AKT2: variants seen among roughly 807,000 people sequenced by gnomAD.
AKT2 encodes AKT serine/threonine kinase 2.
AKT2 carries 16 observed loss-of-function variants against 58.6 expected under a neutral mutation model. The observed-to-expected ratio is 0.27, with a 90% CI of 0.18 to 0.41. The LOEUF (loss-of-function observed/expected upper bound fraction) is 0.41, where lower values mean the gene tolerates loss of function less well. AKT2 is among the 10% of genes least tolerant of loss of function. The pLI is 1.00. For synonymous variants in AKT2, 253 were observed against 254.0 expected (o/e 1.00, Z 0.04); for missense variants, 438 against 661.0 (o/e 0.66, Z 3.70).
chr19:40,277,818 G>C (rs770213355), intron 1 of AKT2, among the ~76,000 whole-genome samples: 3 of 152,110 alleles, frequency 2.0e-5, no homozygotes, highest in Non-Finnish European at 4.4e-5. Flanking sequence ...TGCCACCTCC[G>C]ATCGCATCCA....
chr19:40,260,423 A>G (rs1006091151), intron 2 of AKT2, among the ~76,000 whole-genome samples: 7 of 152,124 alleles, frequency 4.6e-5, no homozygotes, highest in African/African-American at 1.7e-4. Context: ...CAAGGTCAAG[A>G]GATAAAGACC....
rs544194017 is a variant in AKT2, at chr19:40,232,951, G to A, written c.*921C>T. On this transcript the variant is annotated 3_prime_UTR_variant, in exon 14 of 14. Coordinates refer to ENST00000392038, the MANE Select transcript of AKT2 (RefSeq NM_001626.6). ...GAGATGCCCACCCCCACCCCTCCCT[G>A]ACCAAGTCCATGGGGCCCAATACTG... 1.1e-5 allele frequency: 1 copy of A among 92,884 alleles called. No homozygotes were observed. The highest frequency in any genetic ancestry group is 5.6e-5 in the African/African-American group (1 of 17,986). The allele number at this position is 92,884 out of a possible 1,614,324, so 5.8% of individuals were successfully genotyped here.
Position 40,242,490 on chromosome 19 carries a change from G to T in AKT2, c.441+44C>A. On this transcript the variant is annotated intron_variant, in intron 5 of 13. Transcript: ENST00000392038. This position sits in a 1 kb window ranked among gnomAD's most constrained non-coding sequence, Gnocchi z 4.3. ...GAGAGCAGGCCAGCACTGGGGGTGG[G>T]GGCACCGCAGGCTGGCAGCCCCACC... 6.2e-7 allele frequency: 1 copy of T among 1,611,106 alleles called. No homozygotes were observed. The highest frequency in any genetic ancestry group is 8.5e-7 in the Non-Finnish European group (1 of 1,179,598).
chr19:40,266,878 C>T (rs1466160838), intron 1 of AKT2, among the ~76,000 whole-genome samples: 1 of 152,190 alleles, frequency 6.6e-6, no homozygotes, highest in Non-Finnish European at 1.5e-5. Context: ...AGGAGGATCA[C>T]TCGAGCCTGG....
intron 10 of AKT2, 28 bp downstream of exon 10, chr19:40,236,229 C>T (rs367911726): frequency 8.6e-5 from 138 of 1,613,378 alleles, no homozygotes; most frequent in Admixed American, 1.5e-4. Context: ...TGGCCTCACA[C>T]GTTCCTACCC....
chr19:40,238,845 T>A lies in AKT2; in HGVS notation c.708+60A>T. 1 of 1,560,244 alleles carries A rather than the reference T, an allele frequency of 6.4e-7. No homozygotes were observed. Among genetic ancestry groups the A allele is most frequent in the Non-Finnish European group, 8.8e-7 (1 of 1,131,610 alleles). On this transcript the variant is annotated intron_variant, in intron 8 of 13. Transcript: ENST00000392038. This position sits in a 1 kb window ranked among gnomAD's most constrained non-coding sequence, Gnocchi z 5.1. Reference sequence around the variant, plus strand: ...CCATCTCACCCACAGCTCCTCTCCATCCCGCCCCACCCTAAAGAAGGAGGC... The same window carrying A: ...CCATCTCACCCACAGCTCCTCTCCAACCCGCCCCACCCTAAAGAAGGAGGC...
At chr19:40,240,380 G>A (rs1038368279) in intron 6 of AKT2, 65 of 662,342 alleles carry the variant, frequency 9.8e-5, no homozygotes, top group Non-Finnish European at 1.5e-4. Flanking sequence ...CACCTGTGAC[G>A]TCCCTGCAAG....
chr19:40,238,071 C>T lies in AKT2; in HGVS notation c.729G>A (p.Arg243=). ...CCCGCTCCTCTGTGAAGACACGCTC[C>T]CGGGACAGGTGGAAGAACAGCTGCA... ...NGGELFFHLS[R]ERVFTEERAR... The change falls in exon 9 of 14, where the codon CGG becomes CGA. Residue 243 remains arginine (R), a synonymous_variant. Transcript: ENST00000392038. The surrounding 1 kb of genome is among the most constrained non-coding windows in gnomAD (Gnocchi z 5.1). 2 of 1,602,248 alleles carry T rather than the reference C, an allele frequency of 1.2e-6. No homozygotes were observed. The highest frequency in any genetic ancestry group is 1.7e-6 in the Non-Finnish European group (2 of 1,174,654).
At position 40,265,249 on chromosome 19, in the gene AKT2, T is replaced by C. The variant is rs199748431; in HGVS notation, c.19A>G (p.Ile7Val). 19 of 1,613,478 alleles carry C rather than the reference T, an allele frequency of 1.2e-5. No individual in the cohort carries two copies. Among genetic ancestry groups the C allele is most frequent in the African/African-American group, 6.7e-5 (5 of 75,056 alleles). The change falls in exon 2 of 14, where the codon ATC becomes GTC. Residue 7 changes from isoleucine to valine, a missense_variant. This residue lies in a region of AKT2 where 244 missense variants were observed against 347.1 expected (regional missense o/e 0.70). Coordinates refer to ENST00000392038, the MANE Select transcript of AKT2 (RefSeq NM_001626.6). ...CGCTTGTGGAGCCAGCCTTCTTTGA[T>C]GACAGACACCTCATTCATGGTGGCA... The part of the protein sequence containing the change: MNEVSV[I>V]KEGWLHKRGE...
chr19:40,278,473 T>C (rs2077365722), intron 1 of AKT2, among the ~76,000 whole-genome samples: 1 of 152,112 alleles, frequency 6.6e-6, no homozygotes, highest in Non-Finnish European at 1.5e-5. Flanking sequence ...ATCTACGAGA[T>C]GGGAGTGCTA....
Position 40,237,951 on chromosome 19 carries a change from G to A in AKT2, c.831+18C>T, listed in dbSNP as rs200438281. The A allele has an allele frequency of 1.6e-3, 2,561 of 1,610,344 alleles. 5 individuals carry two copies. Among genetic ancestry groups the A allele is most frequent in the Non-Finnish European group, 1.7e-3 (2,062 of 1,179,066 alleles). ...TGTGCATGCCACAGGTCAGCCTGGCGCACACCCTGCCACTAACCTTGATGT... is the reference window on the plus strand; with the variant it reads ...TGTGCATGCCACAGGTCAGCCTGGCACACACCCTGCCACTAACCTTGATGT... On this transcript the variant is annotated intron_variant, in intron 9 of 13. Coordinates refer to ENST00000392038, the MANE Select transcript of AKT2 (RefSeq NM_001626.6). The surrounding 1 kb of genome is among the most constrained non-coding windows in gnomAD (Gnocchi z 4.5).
In AKT2 at chr19:40,233,198, T is replaced by C; in HGVS notation, c.*674A>G. The C allele has an allele frequency of 3.8e-6, 1 of 264,608 alleles. No individual in the cohort carries two copies. 16.4% of individuals were successfully genotyped at this position (264,608 alleles called of 1,614,324 possible). ...CATCCATAGGGTGAGGACAGTTTGG[T>C]GGGGAGGAGGCCGGACCAGGAGGCG... On this transcript the variant is annotated 3_prime_UTR_variant, in exon 14 of 14. Transcript: ENST00000392038. This position sits in a 1 kb window ranked among gnomAD's most constrained non-coding sequence, Gnocchi z 4.3.
rs1973707745 is a variant in AKT2 at position 40,231,659 on chromosome 19, T to TG, written c.*2212dup. On this transcript the variant is annotated 3_prime_UTR_variant, in exon 14 of 14. Transcript: ENST00000392038. ...AGGGCTCTGGTCCCTGGTCCCTTGC[T>TG]GGGGGAGGTGTTCCATCCGGCCAGC... is the stretch of plus-strand genomic sequence containing the variant. 4.3e-6 allele frequency: 1 copy of TG among 233,290 alleles called. No homozygotes were observed. Among genetic ancestry groups the TG allele is most frequent in the Non-Finnish European group, 8.5e-6 (1 of 118,142 alleles). The allele number at this position is 233,290 out of a possible 1,614,324, so 14.5% of individuals were successfully genotyped here. A position where few individuals can be genotyped will look rare whatever the true frequency, so the allele number is the denominator to read the frequency against.
In AKT2 at chr19:40,265,279, G is replaced by A. The variant is rs1446227683; in HGVS notation, c.-12C>T. The stretch of plus-strand genomic sequence containing the variant: ...GACACCTCATTCATGGTGGCAGCGT[G>A]GTACGCTGTCACCTAGCTCGGGACA... On this transcript the variant is annotated 5_prime_UTR_variant, in exon 2 of 14. Transcript: ENST00000392038. 5 of 1,612,248 alleles carry A rather than the reference G, an allele frequency of 3.1e-6. No individual in the cohort carries two copies. In the South Asian group the frequency reaches 5.5e-5, roughly 18 times the overall value.
intron 7 of AKT2, chr19:40,239,841 G>A (rs1270216878): frequency 1.4e-6 from 1 of 708,364 alleles, no homozygotes; most frequent in South Asian, 1.5e-5. Context: ...CATCTATGAA[G>A]AAGCTGTCAC....
intron 2 of AKT2, among the ~76,000 whole-genome samples, chr19:40,261,388 C>G (rs996537886): frequency 3.3e-5 from 5 of 152,096 alleles, no homozygotes; most frequent in African/African-American, 4.8e-5. Context: ...CAAAAATTAG[C>G]CAAGCATGGT....
chr19:40,271,150 A>C (rs2077204777), intron 1 of AKT2, among the ~76,000 whole-genome samples: 1 of 150,572 alleles, frequency 6.6e-6, no homozygotes, highest in African/African-American at 2.5e-5. Context: ...GACCAGCCTG[A>C]GCAACATGGT....
In AKT2 at chr19:40,242,243, G is replaced by A. The variant is rs1974454871; in HGVS notation, c.442-174C>T. On this transcript the variant is annotated intron_variant, in intron 5 of 13. Transcript: ENST00000392038. This position sits in a 1 kb window ranked among gnomAD's most constrained non-coding sequence, Gnocchi z 4.3. The stretch of plus-strand genomic sequence containing the variant: ...GTGTTCTGAAGCGGCCTTCAGACCA[G>A]GCTCTGCAGGCACAGGGCCTTGGGA... 1.0e-6 allele frequency: 1 copy of A among 990,812 alleles called. No homozygotes were observed. The highest frequency in any genetic ancestry group is 1.5e-6 in the Non-Finnish European group (1 of 657,536). 61.4% of individuals were successfully genotyped at this position (990,812 alleles called of 1,614,324 possible).
At chr19:40,259,364 CCACATTCAAAAGAATGGATAT>C (rs1600067563) in intron 2 of AKT2, among the ~76,000 whole-genome samples, 1 of 152,092 alleles carries the variant, frequency 6.6e-6, no homozygotes, top group African/African-American at 2.4e-5. Context: ...AACTGGATAT[CCACATTCAAAAGAATGGATAT>C]CACATTCTTT....
Sources: allele counts gnomAD v4.1 joint callset (sites outside exome capture counted in the v4.1 genomes callset), GRCh38; gene constraint gnomAD v4.1.1; regional missense constraint gnomAD v4.1.1; non-coding constraint Gnocchi (gnomAD v3.1); transcripts MANE v1.5; gene names NCBI Gene and HGNC (gene_info 2026-07-23, HGNC 2026-07-21).